PPP1R13B: variants seen among roughly 807,000 people sequenced by gnomAD.
The protein encoded by PPP1R13B is apoptosis-stimulating of p53 protein 1.
A neutral mutation model predicts 119.8 loss-of-function variants in PPP1R13B; 44 were observed. The observed-to-expected ratio is 0.37, with a 90% CI of 0.29 to 0.47. The LOEUF is 0.47. Ranked by LOEUF, PPP1R13B falls within the 20% of genes least tolerant of loss-of-function variation. The pLI, the probability that PPP1R13B is intolerant of heterozygous loss-of-function variation, is 0.99. For synonymous variants in PPP1R13B, 542 were observed against 561.5 expected (o/e 0.97, Z 0.49); for missense variants, 1,227 against 1,413.5 (o/e 0.87, Z 2.12).
rs1481509735 is a variant in PPP1R13B at position 103,842,697 on chromosome 14, C to T, written c.9+4602G>A. ...TTTGGAAAAGAAAAAGTATGCTGGC[C>T]GGGCTCGGTGGCTCACACCTGTAAT... is the stretch of plus-strand genomic sequence containing the variant. On this transcript the variant is annotated intron_variant, in intron 1 of 16. Transcript: ENST00000202556. Among the ~76,000 whole-genome samples the T allele has an allele frequency of 4.6e-5, 7 of 151,712 alleles. No individual in the cohort carries two copies. In the South Asian group the frequency reaches 1.0e-3, roughly 23 times the overall value.
Position 103,736,087 on chromosome 14 carries a change from C to A in PPP1R13B, c.3147G>T (p.Leu1049=). 6.2e-7 allele frequency: 1 copy of A among 1,614,234 alleles called. No individual in the cohort carries two copies. The highest frequency in any genetic ancestry group is 1.1e-5 in the South Asian group (1 of 91,092). ...CAGTCTCGCTTTCGTCCTTGCGCCT[C>A]AGGATGGTGAGGGCGTCCCCTTCGT... ...SFHEGDALTI[L]RRKDESETEW... Residue 1049 remains leucine, a synonymous_variant, in exon 16 of 17, where the codon CTG becomes CTT. Transcript: ENST00000202556.
At chr14:103,774,804 C>T (rs11628332) in intron 4 of PPP1R13B, among the ~76,000 whole-genome samples, 67,750 of 151,982 alleles carry the variant, frequency 0.45, 15,597 homozygotes, top group African/African-American at 0.56. Context: ...CACGTAAAAC[C>T]GCTCTGTAGA....
intron 4 of PPP1R13B, chr14:103,764,579 A>G (rs1019578730): frequency 1.1e-5 from 2 of 188,136 alleles, no homozygotes; most frequent in Non-Finnish European, 2.3e-5. Flanking sequence ...TACCCTGTTA[A>G]GTTGATATGA....
intron 4 of PPP1R13B, among the ~76,000 whole-genome samples, chr14:103,776,738 G>A (rs1035084048): frequency 5.9e-5 from 9 of 151,832 alleles, no homozygotes; most frequent in Admixed American, 2.6e-4. Flanking sequence ...CGGGCGTGGC[G>A]GTGTGCGCCT....
intron 7 of PPP1R13B, among the ~76,000 whole-genome samples, chr14:103,750,903 C>T (rs1046493826): frequency 1.3e-5 from 2 of 151,992 alleles, no homozygotes; most frequent in African/African-American, 2.4e-5. Flanking sequence ...CGCCTATAAT[C>T]CCAATACTTT....
At chr14:103,816,502 C>G (rs551670636) in intron 1 of PPP1R13B, among the ~76,000 whole-genome samples, 2 of 151,436 alleles carry the variant, frequency 1.3e-5, no homozygotes, top group Non-Finnish European at 2.9e-5. Flanking sequence ...GCCTGGCCAA[C>G]ACGGTGAAAC....
chr14:103,788,789 T>C (rs1052703485), intron 2 of PPP1R13B, among the ~76,000 whole-genome samples: 1 of 152,154 alleles, frequency 6.6e-6, no homozygotes. Flanking sequence ...TGAAAAAAAT[T>C]AGCATTTTTG....
chr14:103,741,403 G>A (rs916476320), intron 11 of PPP1R13B, among the ~76,000 whole-genome samples: 2 of 152,212 alleles, frequency 1.3e-5, no homozygotes, highest in East Asian at 1.9e-4. Context: ...CCCAGGGGTC[G>A]GGCTCAGCCA....
rs781601266 is a variant in PPP1R13B, at chr14:103,738,945, G to A, written c.2671C>T (p.Leu891=). The A allele has an allele frequency of 6.2e-7, 1 of 1,614,138 alleles. No individual in the cohort carries two copies. The highest frequency in any genetic ancestry group is 8.5e-7 in the Non-Finnish European group (1 of 1,180,032). Residue 891 remains leucine, a synonymous_variant, in exon 13 of 17, where the codon CTG becomes TTG. Coordinates refer to ENST00000202556, the MANE Select transcript of PPP1R13B (RefSeq NM_015316.3). The surrounding 1 kb of genome is among the most constrained non-coding windows in gnomAD (Gnocchi z 5.6). ...CCTTCCAGAGACGCGTCTAGGAGCA[G>A]TGCCAGGGGGTTAAACCGGACTCTC... ...GLRVRFNPLA[L]LLDASLEGEF...
intron 4 of PPP1R13B, among the ~76,000 whole-genome samples, chr14:103,759,703 C>T (rs1417435893): frequency 6.6e-6 from 1 of 151,340 alleles, no homozygotes; most frequent in Non-Finnish European, 1.5e-5. Flanking sequence ...AAAAAAAAAT[C>T]AAAAACTACC....
chr14:103,737,688 G>A lies in PPP1R13B; in HGVS notation c.3031+6C>T. The A allele has an allele frequency of 6.2e-7, 1 of 1,613,830 alleles. No individual in the cohort carries two copies. The highest frequency in any genetic ancestry group is 8.5e-7 in the Non-Finnish European group (1 of 1,179,798). ...ACCACTGTGGCCCCAGGCCTCCCCT[G>A]CGTACCATATAGAAACTGGGAGCAC... On this transcript the variant is annotated splice_donor_region_variant and intron_variant, in intron 15 of 16. Transcript: ENST00000202556.
intron 8 of PPP1R13B, among the ~76,000 whole-genome samples, chr14:103,748,650 G>A (rs1333626698): frequency 6.6e-6 from 1 of 152,202 alleles, no homozygotes; most frequent in East Asian, 1.9e-4. Context: ...TGCCACAGGT[G>A]CGAGAAAGTC....
intron 4 of PPP1R13B, chr14:103,764,451 G>T (rs1215229892): frequency 5.7e-6 from 2 of 348,626 alleles, no homozygotes; most frequent in Non-Finnish European, 1.1e-5. Context: ...TTGTTGAATT[G>T]TAACAGTATG....
intron 2 of PPP1R13B, 35 bp downstream of exon 2, chr14:103,797,336 T>C (rs762338345): frequency 1.3e-6 from 2 of 1,538,540 alleles, no homozygotes; most frequent in Admixed American, 2.0e-5. Flanking sequence ...TTTGATTTTA[T>C]CAATGTAACA....
rs773302450 is a variant in PPP1R13B at position 103,778,758 on chromosome 14, C to T, written c.341G>A (p.Arg114His). The T allele has an allele frequency of 1.7e-5, 27 of 1,613,124 alleles. No homozygotes were observed. The highest frequency in any genetic ancestry group is 2.2e-5 in the East Asian group (1 of 44,864). ...RNVINVPGEK[R>H]TENGVGNPRV... ...ACTGTCACTTACCCCATTTTCAGTA[C>T]GTTTTTCTCCAGGTACATTTATTAC... The change falls in exon 4 of 17, where the codon CGT (arginine) becomes CAT (histidine). Residue 114 changes from arginine (R) to histidine (H), a missense_variant. By Grantham distance (29) the Arg-to-His change is conservative. Coordinates refer to ENST00000202556, the MANE Select transcript of PPP1R13B (RefSeq NM_015316.3).
intron 7 of PPP1R13B, 110 bp downstream of exon 7, chr14:103,752,890 A>G (rs2151980283): frequency 8.4e-7 from 1 of 1,195,698 alleles, no homozygotes; most frequent in Non-Finnish European, 1.2e-6. Context: ...CCTATTATTA[A>G]ATTAGAATCT....
intron 3 of PPP1R13B, among the ~76,000 whole-genome samples, chr14:103,781,374 T>C (rs1022857729): frequency 6.6e-6 from 1 of 152,012 alleles, no homozygotes; most frequent in Non-Finnish European, 1.5e-5. Context: ...AGATGAAGAG[T>C]TGAGCCCGGA....
chr14:103,771,852 A>C lies in PPP1R13B; in HGVS notation c.354+6893T>G, dbSNP rs573200830. 9.2e-5 allele frequency among the ~76,000 whole-genome samples: 14 copies of C among 152,308 alleles called. No homozygotes were observed. In the East Asian group the frequency reaches 2.7e-3, roughly 29 times the overall value. The stretch of plus-strand genomic sequence containing the variant: ...ACTGAGGTATAATTCACATATAATA[A>C]ACTGCATATATCTAAAGTACACAAT... On this transcript the variant is annotated intron_variant, in intron 4 of 16. Coordinates refer to ENST00000202556, the MANE Select transcript of PPP1R13B (RefSeq NM_015316.3).
At chr14:103,831,576 G>A (rs2086664981) in intron 1 of PPP1R13B, among the ~76,000 whole-genome samples, 3 of 151,108 alleles carry the variant, frequency 2.0e-5, no homozygotes, top group Admixed American at 1.3e-4. Context: ...CTCCCAAAGT[G>A]CTGGGATTAT....
Sources: allele counts gnomAD v4.1 joint callset (sites outside exome capture counted in the v4.1 genomes callset), GRCh38; gene constraint gnomAD v4.1.1; non-coding constraint Gnocchi (gnomAD v3.1); transcripts MANE v1.5; gene names NCBI Gene and HGNC (gene_info 2026-07-23, HGNC 2026-07-21).